The following COP1 variants were observed in gnomAD, a reference collection of about 807,000 sequenced individuals.
COP1 encodes E3 ubiquitin-protein ligase COP1.
Under a neutral mutation model 101.3 loss-of-function variants are expected in COP1, and 24 were observed. The ratio of observed to expected loss-of-function variants is 0.24; its 90% confidence interval spans 0.17 to 0.33. The LOEUF (loss-of-function observed/expected upper bound fraction) is 0.33. COP1 is among the 10% of genes least tolerant of loss of function. The pLI, the probability that COP1 is intolerant of heterozygous loss-of-function variation, is 1.00. For missense variants in COP1, 663 were observed against 906.2 expected (o/e 0.73, Z 3.45); for synonymous variants, 347 against 341.9 (o/e 1.01, Z -0.17).
intron 14 of COP1, among the ~76,000 whole-genome samples, chr1:176,041,784 G>A (rs1188808311): frequency 3.3e-5 from 5 of 152,086 alleles, no homozygotes; most frequent in East Asian, 1.9e-4. Flanking sequence ...TGGCCAGCAC[G>A]GTGAAACCCC....
At position 176,087,600 on chromosome 1, in the gene COP1, G is replaced by A. The variant is rs189075358; in HGVS notation, c.1027-1710C>T. Reference sequence around the variant, plus strand: ...GAATGGCAATCATTAAAAAGTCAGGGAACAACAGGTGCTGGAGAGGATGTG... The same window carrying A: ...GAATGGCAATCATTAAAAAGTCAGGAAACAACAGGTGCTGGAGAGGATGTG... On this transcript the variant is annotated intron_variant, in intron 9 of 19. Coordinates refer to ENST00000367669, the MANE Select transcript of COP1 (RefSeq NM_022457.7). Among the ~76,000 whole-genome samples the A allele has an allele frequency of 2.6e-3, 399 of 152,184 alleles. 3 individuals are homozygous for A. The highest frequency in any genetic ancestry group is 9.2e-3 in the African/African-American group (381 of 41,536).
At chr1:176,102,995 T>C (rs1683667825) in intron 9 of COP1, among the ~76,000 whole-genome samples, 1 of 152,192 alleles carries the variant, frequency 6.6e-6, no homozygotes, top group South Asian at 2.1e-4. Flanking sequence ...CCCCAAATGC[T>C]TGGGGAGACT....
At chr1:176,085,923 A>G in intron 9 of COP1, 33 bp from the exon 10 acceptor site, 1 of 1,211,582 alleles carries the variant, frequency 8.3e-7, no homozygotes, top group South Asian at 1.3e-5. Flanking sequence ...AAAACTTAGA[A>G]TAAACAATAC....
intron 3 of COP1, among the ~76,000 whole-genome samples, chr1:176,171,518 GGAGTA>G (rs1477338959): frequency 6.6e-6 from 1 of 152,134 alleles, no homozygotes; most frequent in Non-Finnish European, 1.5e-5. Flanking sequence ...TGTCTTCACT[GGAGTA>G]GCACTTTTAA....
intron 19 of COP1, among the ~76,000 whole-genome samples, chr1:175,945,487 T>C (rs536323250): frequency 1.3e-5 from 2 of 152,340 alleles, no homozygotes; most frequent in Admixed American, 1.3e-4. Flanking sequence ...TTGGAATCTT[T>C]CCACATTCTT....
intron 15 of COP1, among the ~76,000 whole-genome samples, chr1:176,025,265 A>G (rs966455291): frequency 2.0e-5 from 3 of 152,146 alleles, no homozygotes; most frequent in Admixed American, 2.0e-4. Context: ...CACTAGTATA[A>G]CTCTGCCTTA....
chr1:176,170,372 CAAT>C (rs772239544), intron 3 of COP1, among the ~76,000 whole-genome samples: 13 of 152,092 alleles, frequency 8.5e-5, no homozygotes, highest in East Asian at 5.8e-4. Context: ...TGTGTTTCTT[CAAT>C]AATAAGACCT....
intron 14 of COP1, among the ~76,000 whole-genome samples, chr1:176,035,709 C>CCAAAAAAAAAAAAAAAAAAAAAAACAAA (rs1669387051): frequency 3.6e-5 from 1 of 27,658 alleles, no homozygotes; most frequent in East Asian, 1.3e-3. Flanking sequence ...TAAAACGAGA[C>CCAAAAAAAAAAAAAAAAAAAAAAACAAA]CAAAAAAAAA....
intron 19 of COP1, 30 bp downstream of exon 19, chr1:175,947,165 T>C: frequency 2.0e-6 from 3 of 1,528,502 alleles, no homozygotes; most frequent in Non-Finnish European, 2.7e-6. Context: ...TGGGCCTGAG[T>C]TTAAAATGGA....
At chr1:176,136,876 T>C (rs1351684195) in intron 6 of COP1, among the ~76,000 whole-genome samples, 1 of 152,086 alleles carries the variant, frequency 6.6e-6, no homozygotes, top group Non-Finnish European at 1.5e-5. Context: ...CTCATTTAGT[T>C]GTTAAACAGA....
At chr1:176,053,922 A>T (rs1313645236) in intron 11 of COP1, among the ~76,000 whole-genome samples, 2 of 151,776 alleles carry the variant, frequency 1.3e-5, no homozygotes, top group Non-Finnish European at 2.9e-5. Context: ...TTCTCTACTC[A>T]CTCTACATTT....
chr1:176,125,149 G>A (rs1014539082), intron 8 of COP1, among the ~76,000 whole-genome samples: 2 of 151,894 alleles, frequency 1.3e-5, no homozygotes, highest in Non-Finnish European at 2.9e-5. Context: ...GTATATTCTG[G>A]TTATTAATCC....
At chr1:176,082,275 G>A (rs1679291244) in intron 10 of COP1, among the ~76,000 whole-genome samples, 1 of 152,024 alleles carries the variant, frequency 6.6e-6, no homozygotes, top group Admixed American at 6.6e-5. Flanking sequence ...TTTATTCTAA[G>A]CCCATACATA....
intron 18 of COP1, among the ~76,000 whole-genome samples, chr1:175,965,564 T>C (rs1366185433): frequency 7.5e-6 from 1 of 132,560 alleles, no homozygotes; most frequent in Non-Finnish European, 1.6e-5. Flanking sequence ...TTCACTTATC[T>C]GGGTTTTTTT....
chr1:176,014,286 A>G (rs1665230496), intron 15 of COP1, among the ~76,000 whole-genome samples: 1 of 152,216 alleles, frequency 6.6e-6, no homozygotes, highest in South Asian at 2.1e-4. Context: ...CACAATCATC[A>G]GTGTGTCAAG....
At chr1:176,144,376 TA>T in intron 6 of COP1, among the ~76,000 whole-genome samples, 1 of 152,066 alleles carries the variant, frequency 6.6e-6, no homozygotes, top group Non-Finnish European at 1.5e-5. Flanking sequence ...TGACTAAATC[TA>T]AAATAAAGAT....
chr1:176,188,539 C>T (rs7522594), intron 1 of COP1, among the ~76,000 whole-genome samples: 2,096 of 152,250 alleles, frequency 0.014, 55 homozygotes, highest in African/African-American at 0.048. Context: ...CTGTGCTGAG[C>T]GAGTCTGTTG....
At chr1:176,014,880 G>A (rs1482368299) in intron 15 of COP1, among the ~76,000 whole-genome samples, 2 of 152,006 alleles carry the variant, frequency 1.3e-5, no homozygotes, top group Non-Finnish European at 2.9e-5. Context: ...GGACATTGTG[G>A]GGGATACAAT....
chr1:176,028,376 G>A (rs1668048313), intron 14 of COP1, among the ~76,000 whole-genome samples: 1 of 151,544 alleles, frequency 6.6e-6, no homozygotes, highest in African/African-American at 2.4e-5. Flanking sequence ...ACTAGCGTGG[G>A]CAACATGGTG....
Sources: allele counts gnomAD v4.1 joint callset (sites outside exome capture counted in the v4.1 genomes callset), GRCh38; gene constraint gnomAD v4.1.1; transcripts MANE v1.5; gene names NCBI Gene and HGNC (gene_info 2026-07-23, HGNC 2026-07-21).